The following GPR35 variants were observed in gnomAD, a reference collection of about 807,000 sequenced individuals.
GPR35 encodes the protein G protein-coupled receptor 35, also known as KYNA receptor.
For missense variants in GPR35, 372 were observed against 422.5 expected, an observed-to-expected ratio of 0.88 and a Z score of 1.05; for synonymous variants, 207 against 198.4, an observed-to-expected ratio of 1.04 and a Z score of -0.36.
At chr2:240,619,089 T>G in intron 5 of GPR35, 1 of 685,948 alleles carries the variant, frequency 1.5e-6, no homozygotes, top group Non-Finnish European at 2.7e-6. Context: ...ATCTCTAATT[T>G]GGCTAAAGAT....
chr2:240,617,507 A>T (rs890694141), intron 4 of GPR35: 1 of 434,098 alleles, frequency 2.3e-6, no homozygotes, highest in African/African-American at 2.0e-5. Flanking sequence ...GTGATATTCT[A>T]CTTCTGTCTT....
intron 2 of GPR35, among the ~76,000 whole-genome samples, chr2:240,610,599 T>G (rs949407595): frequency 1.3e-5 from 2 of 152,090 alleles, no homozygotes; most frequent in Non-Finnish European, 2.9e-5. Context: ...TAGCTAGGAC[T>G]ACAGGCATGT....
intron 2 of GPR35, among the ~76,000 whole-genome samples, chr2:240,610,466 C>T (rs530088127): frequency 6.6e-6 from 1 of 152,082 alleles, no homozygotes; most frequent in East Asian, 1.9e-4. Flanking sequence ...TCATTTCTTG[C>T]TTTCTTTTCC....
At chr2:240,614,900 GTATA>G (rs1420635948) in intron 2 of GPR35, among the ~76,000 whole-genome samples, 2 of 152,060 alleles carry the variant, frequency 1.3e-5, no homozygotes, top group Admixed American at 6.5e-5. Flanking sequence ...GTGTATATAT[GTATA>G]TATGTGTGCA....
chr2:240,618,303 A>G lies in GPR35; in HGVS notation c.-148-585A>G, dbSNP rs6745503. Among the ~76,000 whole-genome samples the G allele has an allele frequency of 9.6e-3, 1,455 of 152,352 alleles. 21 individuals are homozygous for G. Among genetic ancestry groups the G allele is most frequent in the African/African-American group, 0.033 (1,374 of 41,580 alleles). On this transcript the variant is annotated intron_variant, in intron 4 of 5. Coordinates refer to the GPR35 transcript ENST00000319838. ...CATCAACAGTATATAACCACTGAAA[A>G]TAGTTTAAAATTATTTTTAGATACT...
chr2:240,621,702 A>C (rs2043296852), upstream of GPR35, among the ~76,000 whole-genome samples: 1 of 152,234 alleles, frequency 6.6e-6, no homozygotes, highest in Non-Finnish European at 1.5e-5. Context: ...AGTGGAGGCA[A>C]GTCAGAATGT....
rs551962407 is a variant in GPR35, at chr2:240,606,986, G to A, written c.-577+374G>A. 2.0e-5 allele frequency among the ~76,000 whole-genome samples: 3 copies of A among 152,260 alleles called. No homozygotes were observed. The South Asian group carries it at 6.2e-4, about 32-fold the overall frequency. ...CTAAAAAGTTGTTGCAGACATTAAG[G>A]TGGTGTCCTGGGTTAGGTGGGAGGT... is the stretch of plus-strand genomic sequence containing the variant. On this transcript the variant is annotated intron_variant, in intron 2 of 5. Coordinates refer to the GPR35 transcript ENST00000319838.
At chr2:240,627,158 C>T (rs1173509639) in intron 1 of GPR35, among the ~76,000 whole-genome samples, 1 of 152,180 alleles carries the variant, frequency 6.6e-6, no homozygotes, top group Non-Finnish European at 1.5e-5. Context: ...GCCTGAGGAG[C>T]TGAGGCGGGA....
At chr2:240,610,819 A>T (rs2043175952) in intron 2 of GPR35, among the ~76,000 whole-genome samples, 1 of 147,004 alleles carries the variant, frequency 6.8e-6, no homozygotes, top group Admixed American at 6.9e-5. Flanking sequence ...TTTTTTTAGT[A>T]GAGATGGGGC....
chr2:240,629,596 C>G, intron 1 of GPR35: 1 of 216,050 alleles, frequency 4.6e-6, no homozygotes, highest in Non-Finnish European at 9.2e-6. Flanking sequence ...GGCTGGTGGC[C>G]CTTTGGGCTC....
upstream of GPR35, among the ~76,000 whole-genome samples, chr2:240,621,774 A>G (rs2043298201): frequency 6.6e-6 from 1 of 152,234 alleles, no homozygotes; most frequent in Admixed American, 6.5e-5. Flanking sequence ...GTCAGAAAGC[A>G]AGAGGGGGAA....
chr2:240,629,832 TGTGGGGTCG>T, intron 1 of GPR35, 108 bp from the exon 2 acceptor site: 1 of 817,072 alleles, frequency 1.2e-6, no homozygotes, highest in African/African-American at 1.7e-5. Context: ...TGTTTGTGGG[TGTGGGGTCG>T]GGGCTCACCT....
upstream of GPR35, among the ~76,000 whole-genome samples, chr2:240,624,996 G>A (rs939167721): frequency 1.3e-5 from 2 of 152,052 alleles, no homozygotes; most frequent in African/African-American, 2.4e-5. Flanking sequence ...GTGTGCCAGC[G>A]TGTGTGTGTG....
At chr2:240,614,937 T>C (rs2043224452) in intron 2 of GPR35, among the ~76,000 whole-genome samples, 1 of 152,148 alleles carries the variant, frequency 6.6e-6, no homozygotes, top group East Asian at 1.9e-4. Flanking sequence ...TGTGTGTGCT[T>C]GTGTGTATGC....
chr2:240,630,616 A>G lies in GPR35; in HGVS notation c.664A>G (p.Asn222Asp), dbSNP rs1180255631. The change falls in exon 2 of 2, where the codon AAC becomes GAC. Residue 222 changes from asparagine to aspartate, a missense_variant. Physicochemically the swap from Asn to Asp is conservative, Grantham distance 23 (BLOSUM62 1). Coordinates refer to ENST00000407714, the MANE Select transcript of GPR35 (RefSeq NM_005301.5). ...CAAGGCTGCCCGCATGGTCTGGGCC[A>G]ACCTCCTGGTGTTCGTGGTCTGCTT... Reference protein sequence around the residue: ...TRKAARMVWANLLVFVVCFLP... With the variant: ...TRKAARMVWADLLVFVVCFLP... The G allele has an allele frequency of 6.2e-7, 1 of 1,612,826 alleles. No homozygotes were observed. The highest frequency in any genetic ancestry group is 8.5e-7 in the Non-Finnish European group (1 of 1,180,004).
intron 2 of GPR35, among the ~76,000 whole-genome samples, chr2:240,614,567 C>T (rs143722362): frequency 3.8e-4 from 58 of 152,338 alleles, no homozygotes; most frequent in Admixed American, 1.3e-3. Flanking sequence ...ACAGGCCTGC[C>T]CCTGGTCCTG....
chr2:240,618,958 C>T (rs557586396), exon 5 of GPR35: 67 of 702,640 alleles, frequency 9.5e-5, no homozygotes, highest in African/African-American at 1.6e-4. Flanking sequence ...GAGTGGTTCC[C>T]GGGCTGTCCC....
rs769909184 is a variant in GPR35 at position 240,630,213 on chromosome 2, G to A, written c.261G>A (p.Pro87=). 40 of 1,571,566 alleles carry A rather than the reference G, an allele frequency of 2.5e-5. No individual in the cohort carries two copies. In the South Asian group the frequency reaches 2.7e-4, roughly 11 times the overall value. ...CCCTGCGAGACACCTCAGACACGCC[G>A]CTGTGCCAGCTCTCCCAGGGCATCT... ...LHSLRDTSDT[P]LCQLSQGIYL... Residue 87 remains proline (P), a synonymous_variant, in exon 2 of 2, where the codon CCG becomes CCA. Coordinates refer to ENST00000407714, the MANE Select transcript of GPR35 (RefSeq NM_005301.5).
chr2:240,612,461 T>G (rs1342056227), intron 2 of GPR35, among the ~76,000 whole-genome samples: 1 of 147,744 alleles, frequency 6.8e-6, no homozygotes, highest in Non-Finnish European at 1.5e-5. Flanking sequence ...ACTAGGGACT[T>G]ACTGACTTGG....
Sources: gnomAD v4.1 joint callset for allele counts (sites outside exome capture counted in the v4.1 genomes callset) on GRCh38, gnomAD v4.1.1 for gene constraint, MANE v1.5 for transcripts, NCBI Gene and HGNC (gene_info 2026-07-23, HGNC 2026-07-21) for gene names.